The following GLRA1 variants were observed in gnomAD, a reference collection of about 807,000 sequenced individuals.
GLRA1 encodes the protein glycine receptor alpha 1, also known as glycine receptor subunit alpha-1.
GLRA1 carries 37 observed loss-of-function variants against 48.3 expected under a neutral mutation model. The observed-to-expected ratio is 0.77, with a 90% CI of 0.59 to 1.01. GLRA1 has a LOEUF of 1.01. GLRA1 is among the 50% of genes least tolerant of loss of function. The probability of loss-of-function intolerance (pLI) is 0.00; values close to 1 mark genes in which losing one functional copy is unlikely to be tolerated. For missense variants in GLRA1, 427 were observed against 571.0 expected, an observed-to-expected ratio of 0.75 and a Z score of 2.57; for synonymous variants, 196 against 210.7, an observed-to-expected ratio of 0.93 and a Z score of 0.60.
At chr5:151,906,417 A>G (rs1205482918) in intron 1 of GLRA1, among the ~76,000 whole-genome samples, 2 of 152,230 alleles carry the variant, frequency 1.3e-5, no homozygotes, top group African/African-American at 4.8e-5. Flanking sequence ...TGGCTAATTT[A>G]TTATATTTAG....
At chr5:151,921,378 C>A (rs955304342) in intron 1 of GLRA1, among the ~76,000 whole-genome samples, 1 of 152,120 alleles carries the variant, frequency 6.6e-6, no homozygotes, top group African/African-American at 2.4e-5. Context: ...ATTTTGTCTC[C>A]CCTTTGCCCA....
At chr5:151,833,174 G>A (rs909984757) in intron 7 of GLRA1, among the ~76,000 whole-genome samples, 10 of 152,178 alleles carry the variant, frequency 6.6e-5, no homozygotes, top group Admixed American at 3.3e-4. Flanking sequence ...AGGAACAACC[G>A]GTACCAGCCA....
chr5:151,913,626 T>C (rs150288255), intron 1 of GLRA1, among the ~76,000 whole-genome samples: 1 of 152,270 alleles, frequency 6.6e-6, no homozygotes, highest in Non-Finnish European at 1.5e-5. Context: ...TCCTGAGTGA[T>C]AAAAGAGAAG....
intron 7 of GLRA1, among the ~76,000 whole-genome samples, chr5:151,840,610 T>G (rs1337776754): frequency 6.6e-6 from 1 of 151,952 alleles, no homozygotes; most frequent in African/African-American, 2.4e-5. Context: ...AACTACATAC[T>G]GTCTATAAAA....
intron 3 of GLRA1, among the ~76,000 whole-genome samples, chr5:151,884,452 A>ACAAAACAAAACAAAACAAAACAAAAC (rs1554085717): frequency 6.6e-6 from 1 of 150,918 alleles, no homozygotes; most frequent in African/African-American, 2.4e-5. Flanking sequence ...ACAAAACAAA[A>ACAAAACAAAACAAAACAAAACAAAAC]AAACCCATTT....
rs372342365 is a variant in GLRA1 at position 151,822,926 on chromosome 5, G to T, written c.1097C>A (p.Ala366Asp). The change falls in exon 9 of 9, where the codon GCC (alanine) becomes GAC (aspartate). Residue 366 changes from alanine to aspartate, a missense_variant. Around this residue, in one of 4 missense-constraint regions of GLRA1, gnomAD observed 4 missense variants for 17.6 expected, o/e 0.23. Coordinates refer to ENST00000274576, the MANE Select transcript of GLRA1 (RefSeq NM_000171.4). ...EAGEGRFNFS[A>D]YGMGPACLQA... ...TAGACAGGCTGGGCCCATCCCATAG[G>T]CAGAGAAGTTAAAGCGGCCTTCTCC... 2 of 1,611,546 alleles carry T rather than the reference G, an allele frequency of 1.2e-6. No homozygotes were observed. Among genetic ancestry groups the T allele is most frequent in the Non-Finnish European group, 1.7e-6 (2 of 1,178,198 alleles).
chr5:151,837,017 A>G (rs976063507), intron 7 of GLRA1, among the ~76,000 whole-genome samples: 3 of 152,232 alleles, frequency 2.0e-5, no homozygotes, highest in African/African-American at 7.2e-5. Context: ...AACTATCATC[A>G]GAGTGAACAG....
chr5:151,848,817 C>A, intron 7 of GLRA1: 1 of 468,960 alleles, frequency 2.1e-6, no homozygotes, highest in Non-Finnish European at 4.1e-6. Flanking sequence ...CTCCTCTCCT[C>A]TCCTCACCTC....
chr5:151,884,997 TC>T (rs1753860636), intron 3 of GLRA1, among the ~76,000 whole-genome samples: 1 of 152,230 alleles, frequency 6.6e-6, no homozygotes, highest in Non-Finnish European at 1.5e-5. Flanking sequence ...CCATGTTTGT[TC>T]CTAGCTAACA....
intron 7 of GLRA1, among the ~76,000 whole-genome samples, chr5:151,846,203 A>C (rs892507458): frequency 6.6e-6 from 1 of 152,244 alleles, no homozygotes; most frequent in Non-Finnish European, 1.5e-5. Flanking sequence ...AACTAAATCT[A>C]ATGCTTAAAA....
intron 3 of GLRA1, among the ~76,000 whole-genome samples, chr5:151,874,787 T>C (rs767782326): frequency 2.6e-5 from 4 of 152,172 alleles, no homozygotes; most frequent in African/African-American, 4.8e-5. Context: ...GAGCCAGGCA[T>C]GCAAAGATCT....
intron 7 of GLRA1, among the ~76,000 whole-genome samples, chr5:151,844,595 C>G (rs1378800794): frequency 8.5e-6 from 1 of 117,996 alleles, no homozygotes; most frequent in Non-Finnish European, 1.6e-5. Flanking sequence ...GCACTCCAGC[C>G]TGGGTGACAG....
rs181517602 is a variant in GLRA1 at position 151,826,561 on chromosome 5, A to G, written c.1059+2360T>C. 3.3e-5 allele frequency among the ~76,000 whole-genome samples: 5 copies of G among 152,192 alleles called. No homozygotes were observed. The East Asian group carries it at 5.8e-4, about 18-fold the overall frequency. On this transcript the variant is annotated intron_variant, in intron 8 of 8. Coordinates refer to ENST00000274576, the MANE Select transcript of GLRA1 (RefSeq NM_000171.4). ...ATGATACCGGTGACTTGGCCTTGCT[A>G]TTGTGGGTCTCTCTCATCAGTTGCA...
At chr5:151,823,906 C>T (rs1763208314) in intron 8 of GLRA1, among the ~76,000 whole-genome samples, 1 of 152,024 alleles carries the variant, frequency 6.6e-6, no homozygotes, top group South Asian at 2.1e-4. Context: ...TCCTCATGTC[C>T]AGCTTTGTTA....
chr5:151,828,880 C>T (rs749319928), intron 8 of GLRA1, 41 bp downstream of exon 8: 2 of 1,592,636 alleles, frequency 1.3e-6, no homozygotes, highest in African/African-American at 2.7e-5. Context: ...CTTTTGTTTA[C>T]TAACAGCTGT....
chr5:151,854,241 A>G (rs1393674388), intron 6 of GLRA1, among the ~76,000 whole-genome samples: 1 of 152,190 alleles, frequency 6.6e-6, no homozygotes, highest in Non-Finnish European at 1.5e-5. Context: ...AGAGGCAGCT[A>G]CCCAAGACAG....
At chr5:151,911,809 C>T (rs189844196) in intron 1 of GLRA1, among the ~76,000 whole-genome samples, 6 of 151,950 alleles carry the variant, frequency 3.9e-5, no homozygotes, top group East Asian at 1.9e-4. Context: ...GAGGTTTCAC[C>T]GTGTTAGCCA....
chr5:151,826,834 A>T (rs533075062), intron 8 of GLRA1, among the ~76,000 whole-genome samples: 1 of 152,188 alleles, frequency 6.6e-6, no homozygotes, highest in African/African-American at 2.4e-5. Context: ...TACAAACAGC[A>T]TCTACTGGAG....
At chr5:151,856,267 G>A in intron 5 of GLRA1, 34 bp downstream of exon 5, 1 of 1,439,672 alleles carries the variant, frequency 6.9e-7, no homozygotes. Flanking sequence ...AAAGGAGCCT[G>A]GTTCTTTCTA....
Sources: allele counts gnomAD v4.1 joint callset (sites outside exome capture counted in the v4.1 genomes callset), GRCh38; gene constraint gnomAD v4.1.1; regional missense constraint gnomAD v4.1.1; transcripts MANE v1.5; gene names NCBI Gene and HGNC (gene_info 2026-07-23, HGNC 2026-07-21).